SMC6: variants seen among roughly 807,000 people sequenced by gnomAD.
SMC6 encodes the protein structural maintenance of chromosomes 6, also known as structural maintenance of chromosomes protein 6.
A neutral mutation model predicts 142.2 loss-of-function variants in SMC6; 79 were observed. The ratio of observed to expected loss-of-function variants is 0.56; its 90% CI spans 0.46 to 0.67. The LOEUF (loss-of-function observed/expected upper bound fraction) is 0.67, where lower values mean the gene tolerates loss of function less well. Ranked by LOEUF, SMC6 falls within the 30% of genes least tolerant of loss-of-function variation. SMC6 has a pLI of 0.00. For synonymous variants in SMC6, 411 were observed against 412.4 expected (o/e 1.00, Z 0.04); for missense variants, 1,072 against 1,284.0 (o/e 0.83, Z 2.52).
chr2:17,715,704 C>T (rs1308172570), intron 15 of SMC6, among the ~76,000 whole-genome samples: 1 of 151,948 alleles, frequency 6.6e-6, no homozygotes, highest in Non-Finnish European at 1.5e-5. Flanking sequence ...TCATGCTGCC[C>T]AACCAAAATA....
chr2:17,673,994 C>A (rs1270544842), intron 25 of SMC6, among the ~76,000 whole-genome samples: 1 of 152,152 alleles, frequency 6.6e-6, no homozygotes, highest in African/African-American at 2.4e-5. Flanking sequence ...GATTTATGCA[C>A]ACAGGTAAGG....
At position 17,717,082 on chromosome 2, in the gene SMC6, C is replaced by T. The variant is rs77023044; in HGVS notation, c.1181+6G>A. ...AGCCATGAAAATTTCAAAGTAACTA[C>T]CCTACCTTTTTTTCAGCTCTTCAAT... On this transcript the variant is annotated splice_donor_region_variant and intron_variant, in intron 13 of 27. Transcript: ENST00000448223. 1,581 of 1,608,690 alleles carry T rather than the reference C, an allele frequency of 9.8e-4. 14 individuals carry two copies. The African/African-American group carries it at 0.016, about 17-fold the overall frequency.
At chr2:17,727,436 G>A (rs889909701) in intron 7 of SMC6, among the ~76,000 whole-genome samples, 1 of 151,928 alleles carries the variant, frequency 6.6e-6, no homozygotes, top group Non-Finnish European at 1.5e-5. Context: ...GGCTCTCCTT[G>A]CTCCTCAGCT....
At position 17,708,265 on chromosome 2, in the gene SMC6, G is replaced by A. The variant is rs1317114049; in HGVS notation, c.1845+374C>T. Among the ~76,000 whole-genome samples, 6 of 151,836 alleles carry A rather than the reference G, an allele frequency of 4.0e-5. No homozygotes were observed. In the East Asian group the frequency reaches 1.2e-3, roughly 29 times the overall value. On this transcript the variant is annotated intron_variant, in intron 17 of 27. Coordinates refer to ENST00000448223, the MANE Select transcript of SMC6 (RefSeq NM_001142286.2). ...GAGTACAAAGTTATATGAAAAAGAA[G>A]TCATAAGATATCAAGCAAAATATTT...
At chr2:17,694,228 A>T (rs1667884887) in intron 23 of SMC6, among the ~76,000 whole-genome samples, 1 of 152,072 alleles carries the variant, frequency 6.6e-6, no homozygotes, top group Non-Finnish European at 1.5e-5. Flanking sequence ...GGGTAATTAA[A>T]AGAGATTGGT....
At position 17,696,355 on chromosome 2, in the gene SMC6, T is replaced by C. The variant is rs1050899158; in HGVS notation, c.2466A>G (p.Gln822=). The stretch of plus-strand genomic sequence containing the variant: ...TATTTAAGGTATCCAAGTGTTCTTT[T>C]TGTTTTTCTTCATAATGTCGTTTCC... ...KRGKRHYEEK[Q]KEHLDTLNKK... is the part of the protein sequence containing the mutation. The change falls in exon 22 of 28, where the codon CAA becomes CAG. Residue 822 remains glutamine (Q), a synonymous_variant. Transcript: ENST00000448223. 4.3e-6 allele frequency: 7 copies of C among 1,611,568 alleles called. No individual in the cohort carries two copies. Among genetic ancestry groups the C allele is most frequent in the African/African-American group, 4.0e-5 (3 of 74,644 alleles).
At chr2:17,695,430 C>T in intron 22 of SMC6, 133 bp from the exon 23 acceptor site, 1 of 670,096 alleles carries the variant, frequency 1.5e-6, no homozygotes, top group Non-Finnish European at 2.4e-6. Context: ...CATTTAATAT[C>T]AATGTTATTT....
At chr2:17,696,631 T>C (rs926934164) in intron 21 of SMC6, among the ~76,000 whole-genome samples, 3 of 152,176 alleles carry the variant, frequency 2.0e-5, no homozygotes, top group African/African-American at 4.8e-5. Context: ...GAATTCCCCA[T>C]ATATTATGGT....
intron 25 of SMC6, among the ~76,000 whole-genome samples, chr2:17,676,076 C>A (rs1330762572): frequency 6.6e-6 from 1 of 152,106 alleles, no homozygotes; most frequent in Non-Finnish European, 1.5e-5. Flanking sequence ...TTCCTTTCGA[C>A]CTGCCTTGAT....
intron 5 of SMC6, among the ~76,000 whole-genome samples, chr2:17,733,505 C>T (rs975508197): frequency 7.9e-5 from 12 of 152,092 alleles, no homozygotes; most frequent in African/African-American, 1.2e-4. Context: ...ATCTTAGTTA[C>T]GTAAGATATC....
intron 8 of SMC6, 144 bp downstream of exon 8, chr2:17,726,245 A>AG (rs200864665): frequency 0.049 from 24,479 of 494,964 alleles, 1,319 homozygotes; most frequent in African/African-American, 0.2. Context: ...ACAATTTCCT[A>AG]ATCTAGGAAA....
intron 23 of SMC6, among the ~76,000 whole-genome samples, chr2:17,694,411 G>GT (rs1274447627): frequency 5.3e-5 from 8 of 152,138 alleles, no homozygotes; most frequent in Non-Finnish European, 1.0e-4. Flanking sequence ...ATTACACATC[G>GT]TATGTATGTA....
rs1364983730 is a variant in SMC6, at chr2:17,714,932, A to G, written c.1659T>C (p.Tyr553=). 1.2e-6 allele frequency: 2 copies of G among 1,613,868 alleles called. No individual in the cohort carries two copies. Among genetic ancestry groups the G allele is most frequent in the Non-Finnish European group, 1.7e-6 (2 of 1,179,922 alleles). The change falls in exon 16 of 28, where the codon TAT becomes TAC. Residue 553 remains tyrosine (Y), a synonymous_variant. Transcript: ENST00000448223. ...TCGGTGGCCGTGAGGTCCCTGGTAAATAAAACCTTTTCATGAGTGCCTGAA... is the reference window on the plus strand; with the variant it reads ...TCGGTGGCCGTGAGGTCCCTGGTAAGTAAAACCTTTTCATGAGTGCCTGAA... ...RVLQALMKRF[Y]LPGTSRPPII...
chr2:17,738,198 G>C (rs1330768326), intron 5 of SMC6, 23 bp downstream of exon 5: 3 of 1,524,600 alleles, frequency 2.0e-6, no homozygotes, highest in African/African-American at 1.4e-5. Flanking sequence ...ATTGAAAATA[G>C]ATGGTAGAAA....
intron 24 of SMC6, among the ~76,000 whole-genome samples, chr2:17,682,753 C>T (rs1352289468): frequency 1.3e-5 from 2 of 151,926 alleles, no homozygotes; most frequent in Non-Finnish European, 2.9e-5. Context: ...TCTAACAAGG[C>T]TAAAAGTAGC....
chr2:17,665,225 A>G lies in SMC6; in HGVS notation c.*274T>C, dbSNP rs1666440724. The G allele has an allele frequency of 4.5e-6, 1 of 223,150 alleles. No individual in the cohort carries two copies. The highest frequency in any genetic ancestry group is 5.7e-5 in the Admixed American group (1 of 17,678). 13.8% of individuals were successfully genotyped at this position (223,150 alleles called of 1,614,324 possible). ...ATATGTACAAAATTTTACTTCTGAA[A>G]AAGAACCTATAAAAATAGATCGTAT... On this transcript the variant is annotated 3_prime_UTR_variant, in exon 28 of 28. Coordinates refer to ENST00000448223, the MANE Select transcript of SMC6 (RefSeq NM_001142286.2).
Position 17,685,202 on chromosome 2 carries a change from C to CA in SMC6, c.2679-1440dup, listed in dbSNP as rs201961062. 5.4e-3 allele frequency among the ~76,000 whole-genome samples: 789 copies of CA among 145,608 alleles called. 7 individuals are homozygous for CA. Among genetic ancestry groups the CA allele is most frequent in the African/African-American group, 0.018 (707 of 39,490 alleles). On this transcript the variant is annotated intron_variant, in intron 23 of 27. Coordinates refer to ENST00000448223, the MANE Select transcript of SMC6 (RefSeq NM_001142286.2). Reference sequence around the variant, plus strand: ...AGATATTCAACATAACTAAAGACCTCAAAAAAAAACCAAAACAATGAAACA... The same window carrying CA: ...AGATATTCAACATAACTAAAGACCTCAAAAAAAAAACCAAAACAATGAAACA...
Position 17,665,432 on chromosome 2 carries a change from A to G in SMC6, c.*67T>C, listed in dbSNP as rs945038724. The G allele has an allele frequency of 5.0e-6, 5 of 1,000,238 alleles. No individual in the cohort carries two copies. Among genetic ancestry groups the G allele is most frequent in the African/African-American group, 4.9e-5 (3 of 60,758 alleles). The allele number at this position is 1,000,238 out of a possible 1,614,324, so 62.0% of individuals were successfully genotyped here. On this transcript the variant is annotated 3_prime_UTR_variant, in exon 28 of 28. Transcript: ENST00000448223. ...CTCCAGTCTCATTTTATTATATCAA[A>G]GAGTCCAGAATTTTTTTTCCCTTCA...
chr2:17,670,351 TTTCC>T, intron 26 of SMC6, 68 bp downstream of exon 26: 1 of 1,463,578 alleles, frequency 6.8e-7, no homozygotes, highest in Admixed American at 2.1e-5. Flanking sequence ...TAAAGAAAGA[TTTCC>T]TTCCTTTAGA....
Sources: gnomAD v4.1 joint callset for allele counts (sites outside exome capture counted in the v4.1 genomes callset) on GRCh38, gnomAD v4.1.1 for gene constraint, MANE v1.5 for transcripts, NCBI Gene and HGNC (gene_info 2026-07-23, HGNC 2026-07-21) for gene names.